The following TMEM108 variants were observed in gnomAD, a reference collection of about 807,000 sequenced individuals.
The protein encoded by TMEM108 is transmembrane protein 108.
In TMEM108, 12 loss-of-function variants were observed where a neutral mutation model predicts 35.1. That is an observed-to-expected ratio of 0.34 (90% CI 0.22 to 0.55). The LOEUF (loss-of-function observed/expected upper bound fraction) is 0.55, where lower values mean the gene tolerates loss of function less well. Among genes scored for constraint, TMEM108 ranks in the 20% least tolerant of loss-of-function variants. The pLI is 0.89. For synonymous variants in TMEM108, 287 were observed against 308.6 expected (o/e 0.93, Z 0.73); for missense variants, 680 against 753.3 (o/e 0.90, Z 1.14).
intron 3 of TMEM108, among the ~76,000 whole-genome samples, chr3:133,328,109 T>A (rs2071352782): frequency 6.6e-6 from 1 of 152,198 alleles, no homozygotes; most frequent in Non-Finnish European, 1.5e-5. Flanking sequence ...AGAGTGCAAG[T>A]CCAGGGAAAT....
At chr3:133,289,060 A>G (rs959076656) in intron 3 of TMEM108, among the ~76,000 whole-genome samples, 2 of 152,144 alleles carry the variant, frequency 1.3e-5, no homozygotes, top group Admixed American at 6.6e-5. Flanking sequence ...TAATTTTTAC[A>G]TATTTTAAAT....
intron 2 of TMEM108, among the ~76,000 whole-genome samples, chr3:133,113,258 G>A (rs1213191414): frequency 1.3e-5 from 2 of 152,110 alleles, no homozygotes; most frequent in Non-Finnish European, 1.5e-5. Flanking sequence ...AGCTGGGTGT[G>A]GTTTTCTGCA....
chr3:133,149,834 A>G (rs77898277), intron 2 of TMEM108, among the ~76,000 whole-genome samples: 2,923 of 152,234 alleles, frequency 0.019, 45 homozygotes, highest in Middle Eastern at 0.045. Flanking sequence ...GGGAATATAT[A>G]TATATATGTC....
At chr3:133,191,637 C>T (rs1276022588) in intron 2 of TMEM108, among the ~76,000 whole-genome samples, 1 of 152,160 alleles carries the variant, frequency 6.6e-6, no homozygotes, top group South Asian at 2.1e-4. Context: ...AATATTCTCT[C>T]GTCAATCTTG....
chr3:133,357,567 A>G (rs2072211273), intron 3 of TMEM108, among the ~76,000 whole-genome samples: 1 of 152,234 alleles, frequency 6.6e-6, no homozygotes, highest in Non-Finnish European at 1.5e-5. Context: ...AAAATGTGGT[A>G]TACATACACT....
chr3:133,083,177 C>A (rs1214232916), intron 2 of TMEM108, among the ~76,000 whole-genome samples: 1 of 132,684 alleles, frequency 7.5e-6, no homozygotes, highest in Non-Finnish European at 1.6e-5. Flanking sequence ...AAAGCCCCCC[C>A]CCACCCCCCG....
intron 3 of TMEM108, among the ~76,000 whole-genome samples, chr3:133,299,916 T>C (rs1947195748): frequency 6.6e-6 from 1 of 152,150 alleles, no homozygotes; most frequent in Non-Finnish European, 1.5e-5. Flanking sequence ...ATAGAAGTGA[T>C]AAATCTGAAA....
intron 3 of TMEM108, among the ~76,000 whole-genome samples, chr3:133,317,791 C>A (rs2071218134): frequency 6.6e-6 from 1 of 152,138 alleles, no homozygotes; most frequent in Admixed American, 6.6e-5. Context: ...CAAAACCGAA[C>A]AAATCCTTCC....
At chr3:133,352,007 A>T (rs987156301) in intron 3 of TMEM108, among the ~76,000 whole-genome samples, 2 of 152,178 alleles carry the variant, frequency 1.3e-5, no homozygotes, top group African/African-American at 4.8e-5. Flanking sequence ...ATAACCCTAG[A>T]ATACAAAGTT....
intron 2 of TMEM108, among the ~76,000 whole-genome samples, chr3:133,078,178 C>T (rs544250650): frequency 0.21 from 26,440 of 123,096 alleles, 2,471 homozygotes; most frequent in African/African-American, 0.33. Context: ...CGCGCGCACA[C>T]GTGTGTGTGT....
intron 2 of TMEM108, among the ~76,000 whole-genome samples, chr3:133,128,591 G>A (rs1010454877): frequency 6.6e-6 from 1 of 152,144 alleles, no homozygotes; most frequent in Admixed American, 6.5e-5. Flanking sequence ...CAAGGACTGT[G>A]ACATCAAGAA....
rs1218504818 is a variant in TMEM108 at position 133,117,068 on chromosome 3, C to G, written c.-47+71048C>G. Among the ~76,000 whole-genome samples, 6 of 152,364 alleles carry G rather than the reference C, an allele frequency of 3.9e-5. No individual in the cohort carries two copies. The East Asian group carries it at 1.2e-3, about 29-fold the overall frequency. ...TACAGGTATGAGCTGCCGCACCCGG[C>G]CTGATTTACCTGCATTTAATTCAAA... is the stretch of plus-strand genomic sequence containing the variant. On this transcript the variant is annotated intron_variant, in intron 2 of 5. Transcript: ENST00000321871.
chr3:133,314,166 T>C (rs2071168593), intron 3 of TMEM108, among the ~76,000 whole-genome samples: 1 of 152,156 alleles, frequency 6.6e-6, no homozygotes, highest in African/African-American at 2.4e-5. Flanking sequence ...TGAAGATAAA[T>C]GAACATCTTG....
At chr3:133,318,545 C>T (rs891146418) in intron 3 of TMEM108, among the ~76,000 whole-genome samples, 2 of 152,168 alleles carry the variant, frequency 1.3e-5, no homozygotes, top group Non-Finnish European at 1.5e-5. Flanking sequence ...ATGAACTTTG[C>T]ATGACACCCA....
intron 3 of TMEM108, among the ~76,000 whole-genome samples, chr3:133,331,519 G>C (rs895068165): frequency 2.6e-5 from 4 of 152,158 alleles, no homozygotes; most frequent in Non-Finnish European, 4.4e-5. Context: ...ATCCAGTGTG[G>C]GCTACAGTAT....
chr3:133,229,283 C>G lies in TMEM108; in HGVS notation c.-29C>G. 6.2e-7 allele frequency: 1 copy of G among 1,605,574 alleles called. No individual in the cohort carries two copies. The highest frequency in any genetic ancestry group is 1.1e-5 in the South Asian group (1 of 89,432). ...TTTCCTAGACAGAATCATGAATAAA[C>G]TGGAGGATAAGCAGGACCAGATGAT... On this transcript the variant is annotated 5_prime_UTR_variant, in exon 3 of 6. Transcript: ENST00000321871.
chr3:133,368,722 C>A lies in TMEM108; in HGVS notation c.41-11030C>A, dbSNP rs1385785969. ...TTGACATTGTCTCCAAAGAAATAAACATCTATGATTTTGTGGTAAGCATTC... is the reference window on the plus strand; with the variant it reads ...TTGACATTGTCTCCAAAGAAATAAAAATCTATGATTTTGTGGTAAGCATTC... On this transcript the variant is annotated intron_variant, in intron 3 of 5. Transcript: ENST00000321871. Among the ~76,000 whole-genome samples, 4 of 152,264 alleles carry A rather than the reference C, an allele frequency of 2.6e-5. No individual in the cohort carries two copies. The East Asian group carries it at 7.7e-4, about 29-fold the overall frequency.
intron 2 of TMEM108, among the ~76,000 whole-genome samples, chr3:133,204,595 G>C (rs1034833601): frequency 6.6e-6 from 1 of 152,112 alleles, no homozygotes; most frequent in Non-Finnish European, 1.5e-5. Context: ...TTCAGTTTCT[G>C]TGTAGTTGTG....
At chr3:133,097,506 C>T (rs1217452988) in intron 2 of TMEM108, among the ~76,000 whole-genome samples, 2 of 152,180 alleles carry the variant, frequency 1.3e-5, no homozygotes, top group African/African-American at 2.4e-5. Flanking sequence ...AGATTCTCTG[C>T]ATGTTCATCA....
Sources: allele counts gnomAD v4.1 joint callset (sites outside exome capture counted in the v4.1 genomes callset), GRCh38; gene constraint gnomAD v4.1.1; transcripts MANE v1.5; gene names NCBI Gene and HGNC (gene_info 2026-07-23, HGNC 2026-07-21).